OPHN1: variants seen among roughly 807,000 people sequenced by gnomAD.
OPHN1 encodes oligophrenin 1, also known as oligophrenin-1.
A neutral mutation model predicts 60.7 loss-of-function variants in OPHN1; 11 were observed. That is an observed-to-expected ratio of 0.18 (90% CI 0.11 to 0.30). OPHN1 has a LOEUF of 0.30. Among genes scored for constraint, OPHN1 ranks in the 10% least tolerant of loss-of-function variants. The pLI, the probability that OPHN1 is intolerant of heterozygous loss-of-function variation, is 1.00. For missense variants in OPHN1, 449 were observed against 611.0 expected (o/e 0.73, Z 2.80); for synonymous variants, 226 against 222.6 (o/e 1.02, Z -0.14).
At chrX:68,193,577 C>T (rs1001914764) in intron 14 of OPHN1, among the ~76,000 whole-genome samples, 5 of 111,886 alleles carry the variant, frequency 4.5e-5, no homozygotes, top group African/African-American at 1.6e-4. Context: ...AATTTTCATA[C>T]CAGTATGTAC....
At chrX:68,228,995 T>C (rs1253203115) in intron 6 of OPHN1, among the ~76,000 whole-genome samples, 1 of 111,349 alleles carries the variant, frequency 9.0e-6, no homozygotes, top group East Asian at 2.8e-4. Flanking sequence ...GATGACATGA[T>C]TGAATATTTA....
intron 2 of OPHN1, among the ~76,000 whole-genome samples, chrX:68,417,088 T>C (rs1022337452): frequency 9.3e-6 from 1 of 107,904 alleles, no homozygotes. Flanking sequence ...TTTATTTATT[T>C]ATTTATTTAT....
chrX:68,201,380 C>T (rs2077534405), intron 11 of OPHN1, among the ~76,000 whole-genome samples: 1 of 111,756 alleles, frequency 8.9e-6, no homozygotes, highest in South Asian at 3.8e-4. Flanking sequence ...TTTTTCTTCC[C>T]AGAGCAAGTG....
rs746984090 is a variant in OPHN1 at position 68,109,653 on chromosome X, A to T, written c.1526+2201T>A. Among the ~76,000 whole-genome samples the T allele has an allele frequency of 2.7e-5, 3 of 111,256 alleles. No individual in the cohort carries two copies. In the South Asian group the frequency reaches 1.1e-3, roughly 42 times the overall value. ...GACAAATTTTTTTAAATGTGTGTGT[A>T]TTCTTACATATTCTTATTTTCCTCT... On this transcript the variant is annotated intron_variant, in intron 18 of 24. Transcript: ENST00000355520.
intron 3 of OPHN1, among the ~76,000 whole-genome samples, chrX:68,295,687 T>G (rs751759339): frequency 5.3e-5 from 6 of 112,237 alleles, no homozygotes; most frequent in Non-Finnish European, 9.4e-5. Flanking sequence ...GGCCTCCCAC[T>G]TGTCCCTGTT....
At chrX:68,157,393 C>T (rs1401074405) in intron 15 of OPHN1, among the ~76,000 whole-genome samples, 2 of 112,114 alleles carry the variant, frequency 1.8e-5, no homozygotes, top group Non-Finnish European at 3.8e-5. Flanking sequence ...GAATACTATG[C>T]AGCCATAAAA....
At chrX:68,277,019 G>A (rs1019219109) in intron 4 of OPHN1, among the ~76,000 whole-genome samples, 4 of 111,327 alleles carry the variant, frequency 3.6e-5, no homozygotes, top group Admixed American at 1.9e-4. Flanking sequence ...CAGAAGAATC[G>A]CCCAGCTGAC....
At chrX:68,137,436 A>G (rs1046636216) in intron 15 of OPHN1, among the ~76,000 whole-genome samples, 3 of 112,057 alleles carry the variant, frequency 2.7e-5, no homozygotes, top group South Asian at 7.4e-4. Context: ...CCAACCTGAC[A>G]TTGATGGATA....
At chrX:68,386,346 T>A (rs1344115417) in intron 2 of OPHN1, among the ~76,000 whole-genome samples, 1 of 112,175 alleles carries the variant, frequency 8.9e-6, no homozygotes, top group Non-Finnish European at 1.9e-5. Context: ...ACACAATTTA[T>A]GATAACTCCA....
intron 3 of OPHN1, among the ~76,000 whole-genome samples, chrX:68,288,621 G>A (rs1028827028): frequency 1.5e-4 from 17 of 110,341 alleles, no homozygotes; most frequent in African/African-American, 4.6e-4. Flanking sequence ...AAAATTAGCC[G>A]AGCGTGGAAG....
At chrX:68,249,545 T>C (rs774695716) in intron 5 of OPHN1, among the ~76,000 whole-genome samples, 15 of 111,836 alleles carry the variant, frequency 1.3e-4, no homozygotes, top group Admixed American at 8.6e-4. Flanking sequence ...TTTAAAACAT[T>C]GGCTCTGGAT....
intron 2 of OPHN1, among the ~76,000 whole-genome samples, chrX:68,303,604 C>T (rs750804351): frequency 3.8e-4 from 41 of 107,852 alleles, no homozygotes; most frequent in Admixed American, 9.0e-4. Flanking sequence ...GCCGAGATCA[C>T]GCCATTGCAC....
At chrX:68,050,075 T>C (rs1397074170) in intron 23 of OPHN1, among the ~76,000 whole-genome samples, 2 of 111,966 alleles carry the variant, frequency 1.8e-5, no homozygotes, top group Non-Finnish European at 3.8e-5. Flanking sequence ...GAGAAGAACT[T>C]AGCAACAATG....
intron 20 of OPHN1, among the ~76,000 whole-genome samples, chrX:68,065,712 T>A (rs2076910957): frequency 8.9e-6 from 1 of 111,821 alleles, no homozygotes; most frequent in Admixed American, 9.5e-5. Flanking sequence ...CATGAGGTTA[T>A]GGTGAGGATT....
intron 2 of OPHN1, among the ~76,000 whole-genome samples, chrX:68,376,708 T>C (rs1466164759): frequency 9.0e-6 from 1 of 111,201 alleles, no homozygotes; most frequent in Non-Finnish European, 1.9e-5. Flanking sequence ...TCTAGCTCAG[T>C]ACCTCTTATA....
chrX:68,246,105 G>A (rs1002193895), intron 5 of OPHN1, among the ~76,000 whole-genome samples: 4 of 111,518 alleles, frequency 3.6e-5, no homozygotes, highest in Non-Finnish European at 5.6e-5. Context: ...GTGCCTGGCC[G>A]GTTATGGACA....
chrX:68,402,311 GAGAA>G (rs1204855542), intron 2 of OPHN1, among the ~76,000 whole-genome samples: 1 of 105,540 alleles, frequency 9.5e-6, no homozygotes, highest in African/African-American at 3.5e-5. Context: ...AAAGAAAAGA[GAGAA>G]AGAAAGAGAA....
At chrX:68,263,267 T>A (rs1224669064) in intron 5 of OPHN1, among the ~76,000 whole-genome samples, 1 of 111,554 alleles carries the variant, frequency 9.0e-6, no homozygotes, top group Non-Finnish European at 1.9e-5. Context: ...TCCTCCCACA[T>A]CCTGCAAAGC....
intron 10 of OPHN1, among the ~76,000 whole-genome samples, chrX:68,205,427 G>A (rs921819178): frequency 2.7e-5 from 3 of 109,870 alleles, no homozygotes; most frequent in Admixed American, 1.9e-4. Flanking sequence ...CAGCCTGGGC[G>A]ACAAGAGTGA....
Sources: allele counts gnomAD v4.1 joint callset (sites outside exome capture counted in the v4.1 genomes callset), GRCh38; gene constraint gnomAD v4.1.1; transcripts MANE v1.5; gene names NCBI Gene and HGNC (gene_info 2026-07-23, HGNC 2026-07-21).